The following SOX6 variants were observed in gnomAD, a reference collection of about 807,000 sequenced individuals.
SOX6 encodes the protein SRY-box transcription factor 6, also known as transcription factor SOX-6.
SOX6 carries 11 observed loss-of-function variants against 97.8 expected under a neutral mutation model. The ratio of observed to expected loss-of-function variants is 0.11; its 90% CI spans 0.07 to 0.19. SOX6 has a LOEUF of 0.19. SOX6 is among the 10% of genes least tolerant of loss of function. The pLI is 1.00. For synonymous variants in SOX6, 360 were observed against 371.4 expected, an observed-to-expected ratio of 0.97 and a Z score of 0.35; for missense variants, 810 against 1,039.5, an observed-to-expected ratio of 0.78 and a Z score of 3.04.
intron 13 of SOX6, among the ~76,000 whole-genome samples, chr11:15,989,873 A>G (rs1230570446): frequency 6.6e-6 from 1 of 152,242 alleles, no homozygotes; most frequent in African/African-American, 2.4e-5. Context: ...ACAGACAATT[A>G]TAACAAAGTG....
intron 3 of SOX6, among the ~76,000 whole-genome samples, chr11:16,674,954 C>A (rs1033740677): frequency 2.0e-5 from 3 of 152,000 alleles, no homozygotes; most frequent in African/African-American, 7.3e-5. Flanking sequence ...GAGACTCTGT[C>A]TAAATAAATA....
chr11:16,097,740 G>A (rs1451043090), intron 7 of SOX6, 52 bp from the exon 8 acceptor site: 4 of 1,491,324 alleles, frequency 2.7e-6, no homozygotes, highest in East Asian at 2.3e-5. Flanking sequence ...GGGAATTGCA[G>A]CAGACAAGTA....
At chr11:16,472,834 A>G (rs185336774) in intron 1 of SOX6, among the ~76,000 whole-genome samples, 83 of 152,238 alleles carry the variant, frequency 5.5e-4, no homozygotes, top group African/African-American at 2.0e-3. Context: ...CTAGAAGTAT[A>G]TTCTTTAAAA....
At chr11:16,047,694 T>G (rs993119574) in intron 11 of SOX6, among the ~76,000 whole-genome samples, 3 of 142,886 alleles carry the variant, frequency 2.1e-5, no homozygotes, top group Non-Finnish European at 4.5e-5. Flanking sequence ...GTATAATCAT[T>G]TCATAGCGTG....
intron 1 of SOX6, among the ~76,000 whole-genome samples, chr11:16,463,440 T>G (rs1295655537): frequency 6.6e-6 from 1 of 152,226 alleles, no homozygotes; most frequent in Non-Finnish European, 1.5e-5. Context: ...ACCAATCATT[T>G]TAAGTGCTAA....
chr11:16,243,735 C>G (rs1010193206), intron 3 of SOX6, among the ~76,000 whole-genome samples: 4 of 151,866 alleles, frequency 2.6e-5, no homozygotes, highest in African/African-American at 4.8e-5. Flanking sequence ...ATAATTTTGC[C>G]TATTCTTGAA....
intron 1 of SOX6, among the ~76,000 whole-genome samples, chr11:16,385,503 A>G (rs552323362): frequency 6.6e-6 from 1 of 152,234 alleles, no homozygotes; most frequent in East Asian, 1.9e-4. Flanking sequence ...TAATCTCAGT[A>G]GTGTCATTAT....
chr11:16,731,530 C>T (rs1339318967), intron 2 of SOX6, among the ~76,000 whole-genome samples: 3 of 152,050 alleles, frequency 2.0e-5, no homozygotes, highest in South Asian at 2.1e-4. Context: ...AAAAGGCCTT[C>T]GATAAAATTC....
At position 16,416,835 on chromosome 11, in the gene SOX6, T is replaced by C. The variant is rs1401037145; in HGVS notation, c.-5+59480A>G. On this transcript the variant is annotated intron_variant, in intron 1 of 15. Transcript: ENST00000396356. ...GACAGAATATCACAATAGTGTCCCA[T>C]AAAGCCACTACCAAATACTTTAAAT... 2.6e-5 allele frequency among the ~76,000 whole-genome samples: 4 copies of C among 152,296 alleles called. No individual in the cohort carries two copies. The East Asian group carries it at 5.8e-4, about 22-fold the overall frequency.
chr11:16,244,708 T>C (rs1020866657), intron 3 of SOX6, among the ~76,000 whole-genome samples: 3 of 151,638 alleles, frequency 2.0e-5, no homozygotes, highest in Non-Finnish European at 3.0e-5. Flanking sequence ...CAATGAGTTA[T>C]CTTGTCTTAA....
chr11:16,051,117 AAG>A (rs1847675306), intron 10 of SOX6, among the ~76,000 whole-genome samples: 1 of 152,044 alleles, frequency 6.6e-6, no homozygotes, highest in Admixed American at 6.6e-5. Flanking sequence ...GGGGAACAGA[AAG>A]AGAGGCCAGA....
At chr11:16,071,052 C>T (rs1281382719) in intron 9 of SOX6, among the ~76,000 whole-genome samples, 1 of 152,264 alleles carries the variant, frequency 6.6e-6, no homozygotes, top group Non-Finnish European at 1.5e-5. Context: ...TCAGCACCAG[C>T]TTCTGGCCCA....
At chr11:16,359,203 T>TA (rs915147420), upstream of SOX6, among the ~76,000 whole-genome samples, 20 of 145,878 alleles carry the variant, frequency 1.4e-4, no homozygotes, top group South Asian at 2.2e-4. Context: ...CTGGTGGAAC[T>TA]AAAAAAAAAA....
At chr11:16,199,672 A>G (rs1851880927) in intron 4 of SOX6, among the ~76,000 whole-genome samples, 1 of 152,208 alleles carries the variant, frequency 6.6e-6, no homozygotes, top group South Asian at 2.1e-4. Context: ...ACACTAATTT[A>G]TATTTAGGAT....
At chr11:16,667,094 T>C (rs1366616715) in intron 3 of SOX6, among the ~76,000 whole-genome samples, 1 of 148,196 alleles carries the variant, frequency 6.7e-6, no homozygotes, top group East Asian at 2.0e-4. Context: ...CCAGGCATAG[T>C]GGTGCACACC....
intron 3 of SOX6, among the ~76,000 whole-genome samples, chr11:16,258,024 G>A (rs191204724): frequency 2.0e-5 from 3 of 151,954 alleles, no homozygotes; most frequent in African/African-American, 7.2e-5. Context: ...ATCACTACAT[G>A]CCTATTAGAA....
At chr11:15,994,231 C>G (rs1854154187) in intron 13 of SOX6, among the ~76,000 whole-genome samples, 2 of 151,928 alleles carry the variant, frequency 1.3e-5, no homozygotes, top group South Asian at 2.1e-4. Context: ...TTGGAGTGGA[C>G]AGAGATGAAT....
chr11:15,968,851 G>A lies in SOX6; in HGVS notation c.*3958C>T, dbSNP rs775506054. 3.3e-5 allele frequency: 5 copies of A among 152,174 alleles called. No individual in the cohort carries two copies. Among genetic ancestry groups the A allele is most frequent in the Non-Finnish European group, 7.3e-5 (5 of 68,054 alleles). 9.4% of individuals were successfully genotyped at this position (152,174 alleles called of 1,614,324 possible). On this transcript the variant is annotated 3_prime_UTR_variant, in exon 16 of 16. Transcript: ENST00000683767. ...GGCTGGAGAGTATCAAATACCTAAT[G>A]AAGCAAACCGAGGTGCTTCTAAAAG...
intron 4 of SOX6, among the ~76,000 whole-genome samples, chr11:16,553,642 C>T (rs1847715604): frequency 6.6e-6 from 1 of 151,622 alleles, no homozygotes; most frequent in Non-Finnish European, 1.5e-5. Flanking sequence ...ACAAATCCAG[C>T]ATCCATCTCT....
Sources: gnomAD v4.1 joint callset for allele counts (sites outside exome capture counted in the v4.1 genomes callset) on GRCh38, gnomAD v4.1.1 for gene constraint, MANE v1.5 for transcripts, NCBI Gene and HGNC (gene_info 2026-07-23, HGNC 2026-07-21) for gene names.